ATXN2: variants seen among roughly 807,000 people sequenced by gnomAD.
ATXN2 encodes the protein ataxin 2.
In ATXN2, 37 loss-of-function variants were observed where a neutral mutation model predicts 138.6. That is an observed-to-expected ratio of 0.27 (90% CI 0.21 to 0.35). The LOEUF (loss-of-function observed/expected upper bound fraction) is 0.35. ATXN2 is among the 10% of genes least tolerant of loss of function. The pLI is 1.00. For synonymous variants in ATXN2, 549 were observed against 543.7 expected, an observed-to-expected ratio of 1.01 and a Z score of -0.13; for missense variants, 1,216 against 1,480.3, an observed-to-expected ratio of 0.82 and a Z score of 2.93.
chr12:111,515,712 G>A (rs1293766806), intron 10 of ATXN2, among the ~76,000 whole-genome samples: 5 of 152,094 alleles, frequency 3.3e-5, no homozygotes, highest in Non-Finnish European at 7.4e-5. Context: ...ATGGGCTGTC[G>A]CTCTCAAAAA....
intron 1 of ATXN2, among the ~76,000 whole-genome samples, chr12:111,565,166 A>G (rs963513595): frequency 1.6e-5 from 2 of 124,206 alleles, no homozygotes; most frequent in African/African-American, 1.2e-4. Context: ...CCACCTACTG[A>G]AAAAAAAAAC....
intron 5 of ATXN2, among the ~76,000 whole-genome samples, chr12:111,547,393 C>T (rs1181679134): frequency 6.6e-6 from 1 of 151,802 alleles, no homozygotes; most frequent in Non-Finnish European, 1.5e-5. Context: ...CGCCACTGCA[C>T]TCCAGCCTGG....
chr12:111,458,517 T>C (rs1027805991), intron 21 of ATXN2: 1 of 152,190 alleles, frequency 6.6e-6, no homozygotes, highest in East Asian at 1.9e-4. Context: ...AGCACACCGA[T>C]GATAAAAAAC....
chr12:111,487,541 G>C (rs1349342466), intron 15 of ATXN2, among the ~76,000 whole-genome samples: 2 of 151,794 alleles, frequency 1.3e-5, no homozygotes, highest in Non-Finnish European at 2.9e-5. Context: ...GCTCACTGCA[G>C]CCTCCACCTT....
At chr12:111,506,603 C>T (rs1592842881) in intron 14 of ATXN2, among the ~76,000 whole-genome samples, 1 of 151,964 alleles carries the variant, frequency 6.6e-6, no homozygotes, top group Non-Finnish European at 1.5e-5. Context: ...AGAATACCTA[C>T]AGCAAGACAT....
intron 1 of ATXN2, among the ~76,000 whole-genome samples, chr12:111,578,703 GA>G (rs1260455438): frequency 6.6e-6 from 1 of 152,098 alleles, no homozygotes; most frequent in Non-Finnish European, 1.5e-5. Flanking sequence ...ATAAACACAT[GA>G]AAAAATGCTC....
At position 111,598,737 on chromosome 12, in the gene ATXN2, G is replaced by A; in HGVS notation, c.251+47C>T. 6 of 1,130,160 alleles carry A rather than the reference G, an allele frequency of 5.3e-6. No homozygotes were observed. Among genetic ancestry groups the A allele is most frequent in the Non-Finnish European group, 6.5e-6 (6 of 917,086 alleles). 70.0% of individuals were successfully genotyped at this position (1,130,160 alleles called of 1,614,324 possible). A position where few individuals can be genotyped will look rare whatever the true frequency, so the allele number is the denominator to read the frequency against. ...GGACGGCGGCGCGGGCCGCGGGGGA[G>A]GGGACGCCGGGCCCGGAGCGGAGGG... On this transcript the variant is annotated intron_variant, in intron 1 of 24. Coordinates refer to ENST00000673436, the MANE Select transcript of ATXN2 (RefSeq NM_001372574.1). The surrounding 1 kb of genome is among the most constrained non-coding windows in gnomAD (Gnocchi z 4.5).
In ATXN2 at chr12:111,598,978, TTGCTGCTGCTGCTGC is replaced by T. The variant is rs193922927; in HGVS notation, c.42_56del (p.Gln24_Gln28del). On this transcript the variant is annotated inframe_deletion, in exon 1 of 25. Transcript: ENST00000673436. This position sits in a 1 kb window ranked among gnomAD's most constrained non-coding sequence, Gnocchi z 4.5. Reference sequence around the variant, plus strand: ...GCTGCTGCTGCTGCTGCTGCTGCTGTTGCTGCTGCTGCTGCTGCTGCTGCTGCTGCTGCTGCTGCT... The same window carrying T: ...GCTGCTGCTGCTGCTGCTGCTGCTGTTGCTGCTGCTGCTGCTGCTGCTGCT... 116 of 1,292,640 alleles carry T rather than the reference TTGCTGCTGCTGCTGC, an allele frequency of 9.0e-5. No homozygotes were observed. Among genetic ancestry groups the T allele is most frequent in the Middle Eastern group, 2.7e-4 (1 of 3,664 alleles). 80.1% of individuals were successfully genotyped at this position (1,292,640 alleles called of 1,614,324 possible). A position where few individuals can be genotyped will look rare whatever the true frequency, so the allele number is the denominator to read the frequency against.
intron 1 of ATXN2, among the ~76,000 whole-genome samples, chr12:111,583,856 T>C (rs1399151663): frequency 6.6e-6 from 1 of 151,738 alleles, no homozygotes; most frequent in Non-Finnish European, 1.5e-5. Context: ...CAGTTAAATT[T>C]CAACTTTAGA....
In ATXN2 at chr12:111,539,905, A is replaced by T. The variant is rs534214027; in HGVS notation, c.571+12375T>A. ...ATTAGTGAAGAATAGTAGTCATTTT[A>T]TAACAACTTATTCTCAAACCTATGG... On this transcript the variant is annotated intron_variant, in intron 5 of 24. Coordinates refer to ENST00000673436, the MANE Select transcript of ATXN2 (RefSeq NM_001372574.1). Among the ~76,000 whole-genome samples, 58 of 150,656 alleles carry T rather than the reference A, an allele frequency of 3.8e-4. 4 individuals are homozygous for T. Among genetic ancestry groups the T allele is most frequent in the Non-Finnish European group, 6.6e-4 (44 of 67,132 alleles).
chr12:111,504,164 A>G (rs1878962148), intron 14 of ATXN2, among the ~76,000 whole-genome samples: 1 of 152,222 alleles, frequency 6.6e-6, no homozygotes, highest in African/African-American at 2.4e-5. Flanking sequence ...TCTAATCAAG[A>G]CAGTATGGTA....
chr12:111,478,125 G>C (rs1003917867), intron 18 of ATXN2, among the ~76,000 whole-genome samples: 1 of 151,724 alleles, frequency 6.6e-6, no homozygotes, highest in Non-Finnish European at 1.5e-5. Context: ...GAAATTATTA[G>C]GACAGGCGCA....
At chr12:111,562,381 C>T (rs2135799855) in intron 1 of ATXN2, among the ~76,000 whole-genome samples, 1 of 152,138 alleles carries the variant, frequency 6.6e-6, no homozygotes. Flanking sequence ...ATCATCATGC[C>T]ACTGCACTCC....
chr12:111,573,100 C>T (rs557365326), intron 1 of ATXN2, among the ~76,000 whole-genome samples: 7 of 151,748 alleles, frequency 4.6e-5, no homozygotes, highest in Middle Eastern at 6.8e-3. Flanking sequence ...TGATAGAGAA[C>T]TGCCAGGACT....
Position 111,587,356 on chromosome 12 carries a change from G to A in ATXN2, c.251+11428C>T, listed in dbSNP as rs1012059555. Among the ~76,000 whole-genome samples the A allele has an allele frequency of 2.1e-4, 32 of 151,964 alleles. 1 individual carries two copies. The highest frequency in any genetic ancestry group is 4.1e-4 in the South Asian group (2 of 4,830). ...GACTTTAAAAAGCAATATGAAAAAC[G>A]TCAATGAAAAATATTTGACCTGGCC... On this transcript the variant is annotated intron_variant, in intron 1 of 24. Coordinates refer to ENST00000673436, the MANE Select transcript of ATXN2 (RefSeq NM_001372574.1).
intron 7 of ATXN2, among the ~76,000 whole-genome samples, chr12:111,520,329 T>C (rs115277476): frequency 6.6e-6 from 1 of 152,338 alleles, no homozygotes; most frequent in African/African-American, 2.4e-5. Context: ...ATCTCTGCCC[T>C]TGCAAATTTA....
At chr12:111,525,400 T>C (rs936132986) in intron 5 of ATXN2, 84 bp from the exon 6 acceptor site, 17 of 1,325,026 alleles carry the variant, frequency 1.3e-5, no homozygotes, top group Non-Finnish European at 1.7e-5. Flanking sequence ...CAAAGACATA[T>C]GTTAAAAAAC....
chr12:111,487,453 T>TTTTA lies in ATXN2; in HGVS notation c.2241-633_2241-630dup, dbSNP rs138152068. 5.9e-4 allele frequency among the ~76,000 whole-genome samples: 89 copies of TTTTA among 151,632 alleles called. 1 individual carries two copies. Among genetic ancestry groups the TTTTA allele is most frequent in the Non-Finnish European group, 7.9e-4 (54 of 67,966 alleles). On this transcript the variant is annotated intron_variant, in intron 15 of 24. Coordinates refer to ENST00000673436, the MANE Select transcript of ATXN2 (RefSeq NM_001372574.1). ...AGCAATTCTTAACATAACAGTATCC[T>TTTTA]TTTATTTATTTATTTATTTATTTTT...
chr12:111,537,081 G>A (rs974227344), intron 5 of ATXN2, among the ~76,000 whole-genome samples: 14 of 150,982 alleles, frequency 9.3e-5, no homozygotes, highest in Admixed American at 4.6e-4. Context: ...CACCACACCC[G>A]GCCCACACAA....
Sources: gnomAD v4.1 joint callset for allele counts (sites outside exome capture counted in the v4.1 genomes callset) on GRCh38, gnomAD v4.1.1 for gene constraint, Gnocchi (gnomAD v3.1) non-coding constraint, MANE v1.5 for transcripts, NCBI Gene and HGNC (gene_info 2026-07-23, HGNC 2026-07-21) for gene names.